CD276: variants seen among roughly 807,000 people sequenced by gnomAD.
CD276 encodes the protein CD276 antigen.
A neutral mutation model predicts 50.0 loss-of-function variants in CD276; 34 were observed. That is an observed-to-expected ratio of 0.68 (90% confidence interval 0.52 to 0.91). CD276 has a LOEUF of 0.91. Ranked by LOEUF, CD276 falls within the 40% of genes least tolerant of loss-of-function variation. CD276 has a pLI of 0.00. For synonymous variants in CD276, 275 were observed against 313.0 expected (o/e 0.88, Z 1.28); for missense variants, 634 against 717.5 (o/e 0.88, Z 1.33).
intron 1 of CD276, chr15:73,684,974 G>A (rs1421329003): frequency 6.6e-6 from 1 of 152,426 alleles, no homozygotes; most frequent in Non-Finnish European, 1.5e-5. Context: ...GAAGGCGAGT[G>A]GTTAGGCGTG....
intron 1 of CD276, among the ~76,000 whole-genome samples, chr15:73,692,836 A>T (rs1174202679): frequency 1.3e-5 from 2 of 152,268 alleles, no homozygotes; most frequent in Non-Finnish European, 2.9e-5. Context: ...TATGGGGAAG[A>T]TGGTAGATTA....
At chr15:73,700,198 C>G (rs1460105694) in intron 2 of CD276, among the ~76,000 whole-genome samples, 5 of 152,170 alleles carry the variant, frequency 3.3e-5, no homozygotes, top group Admixed American at 3.3e-4. Flanking sequence ...TTGCTTCCTC[C>G]CTGTTCAAAG....
intron 1 of CD276, among the ~76,000 whole-genome samples, chr15:73,694,359 A>G (rs997379712): frequency 1.1e-4 from 16 of 152,022 alleles, no homozygotes; most frequent in Admixed American, 3.3e-4. Context: ...ATTTTGAGAT[A>G]CCTATTTTAG....
intron 7 of CD276, 100 bp downstream of exon 7, chr15:73,708,573 GA>G: frequency 1.5e-6 from 2 of 1,362,364 alleles, no homozygotes; most frequent in Non-Finnish European, 2.0e-6. Flanking sequence ...TCTAGTGACA[GA>G]ACGAGTGTGT....
Position 73,704,355 on chromosome 15 carries a change from G to A in CD276, c.1252G>A (p.Gly418Ser), listed in dbSNP as rs1474364145. The change falls in exon 6 of 10, where the codon GGC becomes AGC. Residue 418 changes from glycine to serine, a missense_variant. Transcript: ENST00000318443. The surrounding 1 kb of genome is among the most constrained non-coding windows in gnomAD (Gnocchi z 4.1). ...VTTSQMANEQ[G>S]LFDVHSVLRV... Reference sequence around the variant, plus strand: ...CACGTCGCAGATGGCCAACGAGCAGGGCTTGTTTGATGTGCACAGCGTCCT... The same window carrying A: ...CACGTCGCAGATGGCCAACGAGCAGAGCTTGTTTGATGTGCACAGCGTCCT... 6.2e-7 allele frequency: 1 copy of A among 1,613,940 alleles called. No homozygotes were observed. Among genetic ancestry groups the A allele is most frequent in the East Asian group, 2.2e-5 (1 of 44,882 alleles).
At chr15:73,707,958 G>A (rs1900713615) in intron 6 of CD276, among the ~76,000 whole-genome samples, 1 of 152,244 alleles carries the variant, frequency 6.6e-6, no homozygotes, top group South Asian at 2.1e-4. Context: ...CACCAGTTTG[G>A]CTGAAGCTGA....
chr15:73,712,854 C>T, intron 9 of CD276, 80 bp from the exon 10 acceptor site: 1 of 1,454,570 alleles, frequency 6.9e-7, no homozygotes, highest in Non-Finnish European at 9.6e-7. Context: ...GCTTGGGCTT[C>T]TGGCATAATC....
chr15:73,702,824 A>T lies in CD276; in HGVS notation c.471A>T (p.Pro157=), dbSNP rs11574478. The part of the protein sequence containing the change: ...MTLEPNKDLR[P]GDTVTITCSS... ...TGGAGCCCAACAAGGACCTGCGGCC[A>T]GGGGACACGGTGACCATCACGTGCT... The change falls in exon 4 of 10, where the codon CCA becomes CCT. Residue 157 remains proline, a synonymous_variant. Coordinates refer to ENST00000318443, the MANE Select transcript of CD276 (RefSeq NM_001024736.2). 4 of 1,613,646 alleles carry T rather than the reference A, an allele frequency of 2.5e-6. No individual in the cohort carries two copies. The South Asian group carries it at 4.4e-5, about 18-fold the overall frequency.
intron 9 of CD276, chr15:73,712,154 C>CA (rs386383477): frequency 0.048 from 4,554 of 95,798 alleles, 196 homozygotes; most frequent in Non-Finnish European, 0.058. Flanking sequence ...GATTCCATCT[C>CA]AAAAAAAAAA....
chr15:73,693,677 G>C (rs2141544023), intron 1 of CD276, among the ~76,000 whole-genome samples: 1 of 152,266 alleles, frequency 6.6e-6, no homozygotes, highest in East Asian at 1.9e-4. Flanking sequence ...CGTCAAGGAA[G>C]ATCAAATACT....
intron 1 of CD276, among the ~76,000 whole-genome samples, chr15:73,686,114 G>T (rs1248069969): frequency 6.6e-6 from 1 of 152,152 alleles, no homozygotes; most frequent in Non-Finnish European, 1.5e-5. Context: ...GGGGTTGTAT[G>T]GCAAGGGGAC....
chr15:73,692,715 A>T (rs768577066), intron 1 of CD276, among the ~76,000 whole-genome samples: 33 of 152,288 alleles, frequency 2.2e-4, no homozygotes, highest in Non-Finnish European at 4.1e-4. Flanking sequence ...CTTCATCTCC[A>T]TTCATATTGC....
chr15:73,694,019 TCAC>T (rs1158621062), intron 1 of CD276, among the ~76,000 whole-genome samples: 2 of 152,284 alleles, frequency 1.3e-5, no homozygotes, highest in Non-Finnish European at 2.9e-5. Flanking sequence ...TTTGGTTCTG[TCAC>T]CACCACTGCA....
intron 1 of CD276, among the ~76,000 whole-genome samples, chr15:73,690,950 T>C (rs1899963221): frequency 1.1e-5 from 1 of 93,298 alleles, no homozygotes; most frequent in East Asian, 3.5e-4. Flanking sequence ...TGATTAACTA[T>C]TGAAGGCAGT....
intron 1 of CD276, among the ~76,000 whole-genome samples, chr15:73,698,331 A>G (rs1900252169): frequency 6.6e-6 from 1 of 152,196 alleles, no homozygotes; most frequent in Non-Finnish European, 1.5e-5. Context: ...GCTTCTTTGC[A>G]AATACTGCTG....
intron 1 of CD276, 63 bp from the exon 2 acceptor site, chr15:73,699,513 CAGGAGAGATG>C: frequency 6.5e-7 from 1 of 1,527,538 alleles, no homozygotes. Context: ...CACTCTGGTC[CAGGAGAGATG>C]AGGCAAGAGA....
At chr15:73,712,866 C>T in intron 9 of CD276, 68 bp from the exon 10 acceptor site, 1 of 1,551,592 alleles carries the variant, frequency 6.4e-7, no homozygotes, top group Non-Finnish European at 8.9e-7. Flanking sequence ...GGCATAATCC[C>T]AAAAATAGAT....
chr15:73,702,978 C>G lies in CD276; in HGVS notation c.625C>G (p.Arg209Gly). ...CTTGTTTGATGTGCACAGCATCCTGCGGGTGGTGCTGGGTGCAAATGGCAC... is the reference window on the plus strand; with the variant it reads ...CTTGTTTGATGTGCACAGCATCCTGGGGGTGGTGCTGGGTGCAAATGGCAC... ...QGLFDVHSIL[R>G]VVLGANGTYS... The change falls in exon 4 of 10, where the codon CGG becomes GGG. Residue 209 changes from arginine to glycine, a missense_variant. Physicochemically the swap from Arg to Gly is moderately radical, Grantham distance 125. Coordinates refer to ENST00000318443, the MANE Select transcript of CD276 (RefSeq NM_001024736.2). 6.2e-7 allele frequency: 1 copy of G among 1,614,168 alleles called. No individual in the cohort carries two copies. The highest frequency in any genetic ancestry group is 8.5e-7 in the Non-Finnish European group (1 of 1,180,034).
In CD276 at chr15:73,699,687, AGCCCTG is replaced by A. The variant is rs1433529148; in HGVS notation, c.50_55del (p.Ala17_Leu18del). ...CTGGCATGGGTGTGCATGTGGGTGC[AGCCCTG>A]GGAGCACTGTGGTTCTGCCTCACAG... On this transcript the variant is annotated inframe_deletion, in exon 2 of 10. Transcript: ENST00000318443. The A allele has an allele frequency of 3.1e-6, 5 of 1,611,180 alleles. No individual in the cohort carries two copies. Among genetic ancestry groups the A allele is most frequent in the Non-Finnish European group, 4.2e-6 (5 of 1,178,536 alleles).
Sources: gnomAD v4.1 joint callset for allele counts (sites outside exome capture counted in the v4.1 genomes callset) on GRCh38, gnomAD v4.1.1 for gene constraint, Gnocchi (gnomAD v3.1) non-coding constraint, MANE v1.5 for transcripts, NCBI Gene and HGNC (gene_info 2026-07-23, HGNC 2026-07-21) for gene names.